NUP155: variants seen among roughly 807,000 people sequenced by gnomAD.
NUP155 encodes the protein nuclear pore complex protein Nup155.
In NUP155, 71 loss-of-function variants were observed where a neutral mutation model predicts 180.4. That is an observed-to-expected ratio of 0.39 (90% CI 0.33 to 0.48). The LOEUF is 0.48. Among genes scored for constraint, NUP155 ranks in the 20% least tolerant of loss-of-function variants. The pLI is 0.91. For synonymous variants in NUP155, 582 were observed against 559.5 expected (o/e 1.04, Z -0.57); for missense variants, 1,553 against 1,648.9 (o/e 0.94, Z 1.01).
Position 37,333,418 on chromosome 5 carries a change from T to A in NUP155, c.1518+45A>T, listed in dbSNP as rs1425885238. ...TTCAGAGAACTTGACAAAAATATTA[T>A]ACATCGCTTATTTTTGTCACTACCA... On this transcript the variant is annotated intron_variant, in intron 13 of 34. Transcript: ENST00000231498. 3 of 1,522,276 alleles carry A rather than the reference T, an allele frequency of 2.0e-6. No homozygotes were observed. The African/African-American group carries it at 4.1e-5, about 21-fold the overall frequency. The allele number at this position is 1,522,276 out of a possible 1,614,324, so 94.3% of individuals were successfully genotyped here. A position where few individuals can be genotyped will look rare whatever the true frequency, so the allele number is the denominator to read the frequency against.
chr5:37,356,659 C>A lies in NUP155; in HGVS notation c.463+1422G>T, dbSNP rs1027109750. Among the ~76,000 whole-genome samples, 4 of 151,718 alleles carry A rather than the reference C, an allele frequency of 2.6e-5. No homozygotes were observed. The East Asian group carries it at 5.8e-4, about 22-fold the overall frequency. ...TGTAACAGAAAAAAAAAGAAAGGTA[C>A]ATTTAAAGGATATATTTTAAATTTA... On this transcript the variant is annotated intron_variant, in intron 4 of 34. Coordinates refer to ENST00000231498, the MANE Select transcript of NUP155 (RefSeq NM_153485.3).
chr5:37,314,238 C>T lies in NUP155; in HGVS notation c.2396G>A (p.Cys799Tyr), dbSNP rs1192656375. The change falls in exon 22 of 35, where the codon TGT becomes TAT. Residue 799 changes from cysteine to tyrosine, a missense_variant. Cys to Tyr is a radical substitution (Grantham distance 194). Coordinates refer to ENST00000231498, the MANE Select transcript of NUP155 (RefSeq NM_153485.3). ...YQALALWKLL[C>Y]EHQFTIIVAE... is the part of the protein sequence containing the mutation. ...CACAATGATAGTGAATTGATGTTCA[C>T]AAAGAAGTTTCCATAAAGCCAGAGC... 4 of 1,610,798 alleles carry T rather than the reference C, an allele frequency of 2.5e-6. No homozygotes were observed. Among genetic ancestry groups the T allele is most frequent in the Non-Finnish European group, 3.4e-6 (4 of 1,177,522 alleles).
At chr5:37,337,749 A>C in intron 12 of NUP155, 69 bp downstream of exon 12, 1 of 899,022 alleles carries the variant, frequency 1.1e-6, no homozygotes, top group Admixed American at 1.9e-5. Context: ...AGAAGATAAA[A>C]GTTTCTTCCA....
intron 18 of NUP155, 38 bp from the exon 19 acceptor site, chr5:37,326,005 G>A: frequency 7.4e-7 from 1 of 1,345,220 alleles, no homozygotes; most frequent in East Asian, 2.3e-5. Flanking sequence ...TGCTGTAAAT[G>A]AATAAAAACA....
Position 37,292,747 on chromosome 5 carries a change from G to A in NUP155, c.4037+132C>T, listed in dbSNP as rs935909127. The A allele has an allele frequency of 6.0e-6, 4 of 662,098 alleles. No individual in the cohort carries two copies. In the African/African-American group the frequency reaches 7.2e-5, roughly 12 times the overall value. The allele number at this position is 662,098 out of a possible 1,614,324, so 41.0% of individuals were successfully genotyped here. A position where few individuals can be genotyped will look rare whatever the true frequency, so the allele number is the denominator to read the frequency against. On this transcript the variant is annotated intron_variant, in intron 34 of 34. Transcript: ENST00000231498. ...AAAACTCCTATTTTTCATACATGGTGATCAATATCATTCAAATAGTTATTG... is the reference window on the plus strand; with the variant it reads ...AAAACTCCTATTTTTCATACATGGTAATCAATATCATTCAAATAGTTATTG...
chr5:37,337,604 GT>G (rs1745417584), intron 12 of NUP155, among the ~76,000 whole-genome samples: 1 of 152,056 alleles, frequency 6.6e-6, no homozygotes, highest in Non-Finnish European at 1.5e-5. Flanking sequence ...AGGGTCCAAT[GT>G]TTTCTTTAAA....
At chr5:37,295,095 G>A (rs1035267447) in intron 32 of NUP155, among the ~76,000 whole-genome samples, 23 of 152,124 alleles carry the variant, frequency 1.5e-4, no homozygotes, top group Admixed American at 6.5e-5. Flanking sequence ...TCCCTCTGAT[G>A]CCGAGCCGAA....
chr5:37,369,208 T>A (rs1034129218), intron 1 of NUP155, among the ~76,000 whole-genome samples: 1 of 151,724 alleles, frequency 6.6e-6, no homozygotes, highest in Non-Finnish European at 1.5e-5. Context: ...GCTGTGATCA[T>A]GCCACTGCAC....
At chr5:37,358,741 G>A (rs2111670000) in intron 3 of NUP155, among the ~76,000 whole-genome samples, 1 of 152,270 alleles carries the variant, frequency 6.6e-6, no homozygotes, top group Middle Eastern at 3.4e-3. Context: ...AAGACTGGGT[G>A]GGCACAGTGG....
At chr5:37,322,973 C>CAA (rs112690914) in intron 20 of NUP155, among the ~76,000 whole-genome samples, 1 of 145,764 alleles carries the variant, frequency 6.9e-6, no homozygotes, top group African/African-American at 2.5e-5. Context: ...AACTCCGTCT[C>CAA]AAAAAAAAAA....
chr5:37,331,817 C>T (rs753992908), intron 13 of NUP155, 22 bp from the exon 14 acceptor site: 2 of 1,437,530 alleles, frequency 1.4e-6, no homozygotes, highest in Non-Finnish European at 2.0e-6. Flanking sequence ...GAAGAAAGAA[C>T]ATGAACAAGA....
chr5:37,347,116 C>T (rs1481723972), intron 9 of NUP155, among the ~76,000 whole-genome samples: 15 of 151,894 alleles, frequency 9.9e-5, no homozygotes, highest in Non-Finnish European at 1.5e-4. Flanking sequence ...TAGTCCTAGC[C>T]GCTCGGGAGG....
intron 32 of NUP155, among the ~76,000 whole-genome samples, chr5:37,296,859 CT>C (rs1742609072): frequency 6.6e-6 from 1 of 152,066 alleles, no homozygotes; most frequent in African/African-American, 2.4e-5. Flanking sequence ...AACTGCCTAT[CT>C]TATCATAAAC....
intron 22 of NUP155, among the ~76,000 whole-genome samples, chr5:37,313,471 ATATG>A (rs1344688350): frequency 5.3e-5 from 5 of 94,488 alleles, no homozygotes; most frequent in South Asian, 3.5e-4. Context: ...GGAGTGGTGT[ATATG>A]TGTGTGTGTG....
At chr5:37,363,718 A>G (rs888659012) in intron 3 of NUP155, among the ~76,000 whole-genome samples, 170 bp downstream of exon 3, 1 of 152,180 alleles carries the variant, frequency 6.6e-6, no homozygotes, top group African/African-American at 2.4e-5. Context: ...CAGGACTACT[A>G]AGACAGAATG....
intron 11 of NUP155, among the ~76,000 whole-genome samples, chr5:37,339,579 G>A (rs1018340619): frequency 1.3e-5 from 2 of 152,020 alleles, no homozygotes; most frequent in African/African-American, 4.8e-5. Flanking sequence ...GGTGACCCAA[G>A]ATCCTGCCAC....
At chr5:37,357,426 A>AG (rs1746904570) in intron 4 of NUP155, among the ~76,000 whole-genome samples, 1 of 146,072 alleles carries the variant, frequency 6.8e-6, no homozygotes, top group Non-Finnish European at 1.5e-5. Flanking sequence ...AAAAAAAAAA[A>AG]GAGAAAGACA....
intron 12 of NUP155, among the ~76,000 whole-genome samples, chr5:37,334,000 C>T (rs1168984839): frequency 6.6e-6 from 1 of 151,848 alleles, no homozygotes; most frequent in East Asian, 1.9e-4. Context: ...GGGGTTTCTC[C>T]ATGTTGGTCA....
intron 14 of NUP155, among the ~76,000 whole-genome samples, chr5:37,330,757 C>A (rs1004970819): frequency 1.3e-5 from 2 of 151,800 alleles, no homozygotes; most frequent in African/African-American, 4.9e-5. Flanking sequence ...ACAAACAAAC[C>A]AAAAACAACT....
Sources: gnomAD v4.1 joint callset for allele counts (sites outside exome capture counted in the v4.1 genomes callset) on GRCh38, gnomAD v4.1.1 for gene constraint, MANE v1.5 for transcripts, NCBI Gene and HGNC (gene_info 2026-07-23, HGNC 2026-07-21) for gene names.